Variants in CACNA2D3 observed in about 807,000 individuals in gnomAD.
The protein encoded by CACNA2D3 is calcium voltage-gated channel auxiliary subunit alpha2delta 3.
A neutral mutation model predicts 160.6 loss-of-function variants in CACNA2D3; 60 were observed. The ratio of observed to expected loss-of-function variants is 0.37; its 90% CI spans 0.30 to 0.46. CACNA2D3 has a LOEUF of 0.46. Ranked by LOEUF, CACNA2D3 falls within the 20% of genes least tolerant of loss-of-function variation. CACNA2D3 has a pLI of 1.00. For missense variants in CACNA2D3, 1,205 were observed against 1,365.0 expected (o/e 0.88, Z 1.85); for synonymous variants, 558 against 492.9 (o/e 1.13, Z -1.75).
intron 3 of CACNA2D3, among the ~76,000 whole-genome samples, chr3:54,363,637 G>A (rs1016743304): frequency 6.6e-6 from 1 of 152,162 alleles, no homozygotes; most frequent in Admixed American, 6.5e-5. Flanking sequence ...CTGTGTCATT[G>A]TTTATTGAGT....
intron 3 of CACNA2D3, among the ~76,000 whole-genome samples, chr3:54,346,289 C>G (rs1333848658): frequency 6.6e-6 from 1 of 152,184 alleles, no homozygotes; most frequent in Non-Finnish European, 1.5e-5. Context: ...TCTGGTCCAA[C>G]TCAGCACCAG....
intron 11 of CACNA2D3, among the ~76,000 whole-genome samples, chr3:54,698,217 G>C (rs917112778): frequency 1.3e-5 from 2 of 152,156 alleles, no homozygotes; most frequent in Non-Finnish European, 2.9e-5. Flanking sequence ...TAACCAAGGG[G>C]TAGTCTCAGG....
At chr3:54,645,286 A>G (rs1699612933) in intron 11 of CACNA2D3, among the ~76,000 whole-genome samples, 1 of 152,258 alleles carries the variant, frequency 6.6e-6, no homozygotes, top group South Asian at 2.1e-4. Context: ...GACCACTCCC[A>G]TAATCCAATC....
chr3:54,664,904 C>A (rs1700036064), intron 11 of CACNA2D3, among the ~76,000 whole-genome samples: 1 of 152,194 alleles, frequency 6.6e-6, no homozygotes, highest in Non-Finnish European at 1.5e-5. Flanking sequence ...GACTCTGGGA[C>A]CAGATTGCCC....
At chr3:54,650,462 CA>C (rs1245276136) in intron 11 of CACNA2D3, among the ~76,000 whole-genome samples, 1 of 152,148 alleles carries the variant, frequency 6.6e-6, no homozygotes, top group African/African-American at 2.4e-5. Context: ...CTCCTGGGTT[CA>C]AGTGATTCTT....
At chr3:54,883,829 T>TCTCTCTCTCTCC (rs753661413) in intron 21 of CACNA2D3, among the ~76,000 whole-genome samples, 2,140 of 145,502 alleles carry the variant, frequency 0.015, 66 homozygotes, top group African/African-American at 0.051. Flanking sequence ...CTCTCCTCTC[T>TCTCTCTCTCTCC]CTCCCTTCAA....
intron 9 of CACNA2D3, among the ~76,000 whole-genome samples, chr3:54,611,171 T>C (rs1470293425): frequency 6.6e-6 from 1 of 152,208 alleles, no homozygotes; most frequent in Non-Finnish European, 1.5e-5. Context: ...CTGAGCAAAG[T>C]GTGAATACAG....
chr3:54,502,216 A>T (rs1340678299), intron 4 of CACNA2D3, among the ~76,000 whole-genome samples: 7 of 152,170 alleles, frequency 4.6e-5, no homozygotes, highest in Admixed American at 4.6e-4. Context: ...ATTATTTCAA[A>T]TATTTCAGTT....
At chr3:54,777,870 C>G (rs1237798941) in intron 13 of CACNA2D3, among the ~76,000 whole-genome samples, 1 of 152,208 alleles carries the variant, frequency 6.6e-6, no homozygotes, top group African/African-American at 2.4e-5. Context: ...ATGACTTTTT[C>G]TGTCTGCCTC....
At chr3:54,158,283 G>T (rs1000576090) in intron 2 of CACNA2D3, among the ~76,000 whole-genome samples, 3 of 152,194 alleles carry the variant, frequency 2.0e-5, no homozygotes, top group Non-Finnish European at 4.4e-5. Context: ...CCTTTTGTGA[G>T]CTATTTTATT....
intron 25 of CACNA2D3, among the ~76,000 whole-genome samples, chr3:54,895,746 C>A (rs1384789223): frequency 1.3e-5 from 2 of 152,180 alleles, no homozygotes; most frequent in African/African-American, 4.8e-5. Context: ...CCTAACCAGG[C>A]GGTCATCCCC....
At chr3:54,528,245 T>C (rs1701754606) in intron 5 of CACNA2D3, among the ~76,000 whole-genome samples, 1 of 146,804 alleles carries the variant, frequency 6.8e-6, no homozygotes, top group African/African-American at 2.6e-5. Context: ...GTTTGCAATA[T>C]TGGGCACAGA....
rs1042208128 is a variant in CACNA2D3, at chr3:54,378,452, C to T, written c.322-8263C>T. Among the ~76,000 whole-genome samples, 5 of 152,234 alleles carry T rather than the reference C, an allele frequency of 3.3e-5. No homozygotes were observed. The East Asian group carries it at 5.8e-4, about 18-fold the overall frequency. ...TGCAGCCCAGTTCCTAACAGGCCAC[C>T]GACCAGTACTGGTCCATGCTGGGGG... is the stretch of plus-strand genomic sequence containing the variant. On this transcript the variant is annotated intron_variant, in intron 3 of 37. Coordinates refer to ENST00000474759, the MANE Select transcript of CACNA2D3 (RefSeq NM_018398.3).
chr3:54,658,891 C>T (rs962008876), intron 11 of CACNA2D3, among the ~76,000 whole-genome samples: 4 of 151,992 alleles, frequency 2.6e-5, no homozygotes, highest in African/African-American at 9.7e-5. Context: ...AACTGCTGCC[C>T]CCTCATGCCC....
In CACNA2D3 at chr3:54,283,989, G is replaced by A. The variant is rs1347086669; in HGVS notation, c.205-36453G>A. On this transcript the variant is annotated intron_variant, in intron 2 of 37. Transcript: ENST00000474759. ...AGGCACGGGAATTGCTTGAACACAG[G>A]AGAAGGAGGTTGCATTGAGCCGAGA... is the stretch of plus-strand genomic sequence containing the variant. Among the ~76,000 whole-genome samples, 8 of 152,130 alleles carry A rather than the reference G, an allele frequency of 5.3e-5. No homozygotes were observed. In the East Asian group the frequency reaches 1.5e-3, roughly 29 times the overall value.
chr3:54,771,463 T>A (rs1188431591), intron 13 of CACNA2D3, among the ~76,000 whole-genome samples: 1 of 152,140 alleles, frequency 6.6e-6, no homozygotes. Flanking sequence ...AGGGGCCTCT[T>A]CTAAGCTCAT....
At chr3:54,346,243 C>T (rs758670148) in intron 3 of CACNA2D3, among the ~76,000 whole-genome samples, 9 of 152,116 alleles carry the variant, frequency 5.9e-5, no homozygotes, top group Admixed American at 2.6e-4. Flanking sequence ...CAGAAGCCTC[C>T]GTCAGAGCAA....
intron 2 of CACNA2D3, among the ~76,000 whole-genome samples, chr3:54,279,742 A>G (rs113792208): frequency 1.1e-4 from 17 of 152,320 alleles, no homozygotes; most frequent in African/African-American, 4.1e-4. Context: ...CATCTTGTGC[A>G]CAGAGCTGTC....
At chr3:54,651,674 G>A (rs1699767033) in intron 11 of CACNA2D3, among the ~76,000 whole-genome samples, 1 of 152,066 alleles carries the variant, frequency 6.6e-6, no homozygotes. Flanking sequence ...GGCTGGCTTG[G>A]GGATTTTGTG....
Sources: allele counts gnomAD v4.1 joint callset (sites outside exome capture counted in the v4.1 genomes callset), GRCh38; gene constraint gnomAD v4.1.1; transcripts MANE v1.5; gene names NCBI Gene and HGNC (gene_info 2026-07-23, HGNC 2026-07-21).